The following MOB1A variants were observed in gnomAD, a reference collection of about 807,000 sequenced individuals.
The protein encoded by MOB1A is MOB1 Mps One Binder homolog A.
MOB1A carries 10 observed loss-of-function variants against 25.1 expected under a neutral mutation model. That is an observed-to-expected ratio of 0.40 (90% CI 0.25 to 0.68). MOB1A has a LOEUF of 0.68. Among genes scored for constraint, MOB1A ranks in the 30% least tolerant of loss-of-function variants. The pLI is 0.40. For missense variants in MOB1A, 177 were observed against 256.3 expected (o/e 0.69, Z 2.11); for synonymous variants, 81 against 79.5 (o/e 1.02, Z -0.10).
At chr2:74,157,094 T>C (rs1374665605) in intron 5 of MOB1A, among the ~76,000 whole-genome samples, 1 of 150,676 alleles carries the variant, frequency 6.6e-6, no homozygotes, top group African/African-American at 2.4e-5. Flanking sequence ...GAGGCTCCTA[T>C]AAAGCTTCAG....
chr2:74,171,289 AAAAAT>A, intron 2 of MOB1A, among the ~76,000 whole-genome samples: 1 of 151,856 alleles, frequency 6.6e-6, no homozygotes, highest in South Asian at 2.1e-4. Flanking sequence ...CTCCATCTCA[AAAAAT>A]AAAATAAAAA....
rs181030008 is a variant in MOB1A at position 74,153,600 on chromosome 2, A to G, written c.*2968T>C. 40 of 152,378 alleles carry G rather than the reference A, an allele frequency of 2.6e-4. No individual in the cohort carries two copies. Among genetic ancestry groups the G allele is most frequent in the Admixed American group, 2.2e-3 (34 of 15,302 alleles). The allele number at this position is 152,378 out of a possible 1,614,324, so 9.4% of individuals were successfully genotyped here. ...GAAAGACAAATTTGGCTGTCAATAC[A>G]AAAACTGTAGTACAAGGAAGTTCAA... On this transcript the variant is annotated 3_prime_UTR_variant, in exon 6 of 6. Coordinates refer to ENST00000396049, the MANE Select transcript of MOB1A (RefSeq NM_018221.5).
chr2:74,166,259 A>G (rs1339852933), intron 3 of MOB1A, among the ~76,000 whole-genome samples: 1 of 152,212 alleles, frequency 6.6e-6, no homozygotes, highest in East Asian at 1.9e-4. Context: ...TCTTCAAGCC[A>G]GATAATTACT....
Position 74,159,097 on chromosome 2 carries a change from A to G in MOB1A, c.567T>C (p.Phe189=), listed in dbSNP as rs1190510855. 6.2e-7 allele frequency: 1 copy of G among 1,613,610 alleles called. No individual in the cohort carries two copies. Among genetic ancestry groups the G allele is most frequent in the African/African-American group, 1.3e-5 (1 of 74,904 alleles). The change falls in exon 5 of 6, where the codon TTT becomes TTC. Residue 189 remains phenylalanine, a synonymous_variant. Coordinates refer to ENST00000396049, the MANE Select transcript of MOB1A (RefSeq NM_018221.5). ...LNTSFKHFIF[F]VQEFNLIDRR... The stretch of plus-strand genomic sequence containing the variant: ...TCAACATGGATCAACTTACCTGAAC[A>G]AAGAAAATAAAGTGCTTAAAGGAGG...
intron 4 of MOB1A, 36 bp downstream of exon 4, chr2:74,165,182 A>T (rs1371652308): frequency 5.5e-6 from 8 of 1,443,576 alleles, no homozygotes; most frequent in Admixed American, 2.7e-5. Flanking sequence ...ATAAAATTTT[A>T]AAAAAAGAAA....
intron 4 of MOB1A, 97 bp from the exon 5 acceptor site, chr2:74,159,351 G>A: frequency 1.8e-6 from 2 of 1,111,746 alleles, no homozygotes; most frequent in Non-Finnish European, 2.6e-6. Context: ...TCAGGCAGTG[G>A]TGCAATCTCA....
chr2:74,158,808 T>C (rs1692876789), intron 5 of MOB1A, among the ~76,000 whole-genome samples: 2 of 148,122 alleles, frequency 1.4e-5, no homozygotes, highest in South Asian at 4.2e-4. Context: ...GTTCCAATTC[T>C]GACTAAGGGT....
intron 4 of MOB1A, among the ~76,000 whole-genome samples, chr2:74,163,435 G>C (rs1693032490): frequency 6.6e-6 from 1 of 152,068 alleles, no homozygotes; most frequent in African/African-American, 2.4e-5. Flanking sequence ...CCTGGAGTTC[G>C]AGACCAGCCT....
chr2:74,172,682 A>C lies in MOB1A; in HGVS notation c.85T>G (p.Leu29Val). 1 of 1,613,966 alleles carries C rather than the reference A, an allele frequency of 6.2e-7. No homozygotes were observed. The highest frequency in any genetic ancestry group is 8.5e-7 in the Non-Finnish European group (1 of 1,179,868). ...IPEGSHQYEL[L>V]KHAEATLGSG... is the part of the protein sequence containing the mutation. ...CCTAGAGTTGCTTCTGCATGTTTTA[A>C]GAGTTCATACTGATGAGATCCTTCA... The change falls in exon 2 of 6, where the codon TTA (leucine) becomes GTA (valine). Residue 29 changes from leucine (L) to valine (V), a missense_variant. Transcript: ENST00000396049.
intron 1 of MOB1A, among the ~76,000 whole-genome samples, chr2:74,173,963 A>G (rs74372087): frequency 7.1e-6 from 1 of 141,310 alleles, no homozygotes; most frequent in Non-Finnish European, 1.5e-5. Context: ...AAAAAAAAAA[A>G]AAAAAAGAAA....
intron 2 of MOB1A, among the ~76,000 whole-genome samples, chr2:74,167,820 G>C (rs1693174461): frequency 1.3e-5 from 2 of 152,112 alleles, no homozygotes; most frequent in African/African-American, 2.4e-5. Context: ...CTAACAGAAA[G>C]GACAAAATTA....
rs947868045 is a variant in MOB1A at position 74,154,081 on chromosome 2, C to T, written c.*2487G>A. 4.0e-5 allele frequency: 6 copies of T among 151,718 alleles called. No homozygotes were observed. Among genetic ancestry groups the T allele is most frequent in the African/African-American group, 1.5e-4 (6 of 41,184 alleles). The allele number at this position is 151,718 out of a possible 1,614,324, so 9.4% of individuals were successfully genotyped here. A position where few individuals can be genotyped will look rare whatever the true frequency, so the allele number is the denominator to read the frequency against. On this transcript the variant is annotated 3_prime_UTR_variant, in exon 6 of 6. Transcript: ENST00000396049. ...TGGCGGGCACCTGTAGTTCCAGCTA[C>T]TCAGGAGAGGCTGGGGCAGGAGAAT...
rs1407613458 is a variant in MOB1A at position 74,178,836 on chromosome 2, C to T, written c.-162G>A. 3 of 418,608 alleles carry T rather than the reference C, an allele frequency of 7.2e-6. No homozygotes were observed. Among genetic ancestry groups the T allele is most frequent in the Non-Finnish European group, 8.1e-6 (2 of 246,260 alleles). 25.9% of individuals were successfully genotyped at this position (418,608 alleles called of 1,614,324 possible). On this transcript the variant is annotated 5_prime_UTR_variant, in exon 1 of 6. Coordinates refer to ENST00000396049, the MANE Select transcript of MOB1A (RefSeq NM_018221.5). ...GGCCGCTGCGAGCCTTTGCAAACCT[C>T]GGCGCCCGCCTTGCCCGCCTACCCC... is the stretch of plus-strand genomic sequence containing the variant.
intron 2 of MOB1A, among the ~76,000 whole-genome samples, chr2:74,171,366 A>C (rs1410033227): frequency 6.6e-6 from 1 of 152,192 alleles, no homozygotes; most frequent in Admixed American, 6.5e-5. Flanking sequence ...CACTGACCAG[A>C]TATTTGATAA....
rs1693321271 is a variant in MOB1A at position 74,172,503 on chromosome 2, C to G, written c.181+83G>C. 3.0e-6 allele frequency: 4 copies of G among 1,312,750 alleles called. No homozygotes were observed. The African/African-American group carries it at 4.4e-5, about 15-fold the overall frequency. The allele number at this position is 1,312,750 out of a possible 1,614,324, so 81.3% of individuals were successfully genotyped here. A position where few individuals can be genotyped will look rare whatever the true frequency, so the allele number is the denominator to read the frequency against. On this transcript the variant is annotated intron_variant, in intron 2 of 5. Transcript: ENST00000396049. The stretch of plus-strand genomic sequence containing the variant: ...GATAATTTGTTATATTAAAACAGTT[C>G]TAACTGTAAAAGAAAATTCATTAAC...
At chr2:74,170,442 TAA>T (rs1385633377) in intron 2 of MOB1A, among the ~76,000 whole-genome samples, 1 of 152,094 alleles carries the variant, frequency 6.6e-6, no homozygotes, top group African/African-American at 2.4e-5. Flanking sequence ...CGGCCCTGAA[TAA>T]AGTTTTTTAA....
rs191410895 is a variant in MOB1A, at chr2:74,156,260, A to G, written c.*308T>C. The stretch of plus-strand genomic sequence containing the variant: ...TTCTTGTAAAGAAATGACTGAGTAA[A>G]TGAGTAAAAGAATAATAAGTAAATT... On this transcript the variant is annotated 3_prime_UTR_variant, in exon 6 of 6. Coordinates refer to ENST00000396049, the MANE Select transcript of MOB1A (RefSeq NM_018221.5). 2.3e-4 allele frequency: 53 copies of G among 232,502 alleles called. No homozygotes were observed. The highest frequency in any genetic ancestry group is 5.0e-5 in the Non-Finnish European group (6 of 119,942). The allele number at this position is 232,502 out of a possible 1,614,324, so 14.4% of individuals were successfully genotyped here.
In MOB1A at chr2:74,178,859, C is replaced by G. The variant is rs546352275; in HGVS notation, c.-185G>C. 23 of 391,190 alleles carry G rather than the reference C, an allele frequency of 5.9e-5. No homozygotes were observed. The highest frequency in any genetic ancestry group is 4.5e-4 in the African/African-American group (22 of 48,358). 24.2% of individuals were successfully genotyped at this position (391,190 alleles called of 1,614,324 possible). A position where few individuals can be genotyped will look rare whatever the true frequency, so the allele number is the denominator to read the frequency against. ...CTCGGCGCCCGCCTTGCCCGCCTAC[C>G]CCACCTCGCAGACCCGAAATGCGGA... On this transcript the variant is annotated 5_prime_UTR_variant, in exon 1 of 6. Coordinates refer to ENST00000396049, the MANE Select transcript of MOB1A (RefSeq NM_018221.5).
At chr2:74,170,458 AG>A (rs1693257000) in intron 2 of MOB1A, among the ~76,000 whole-genome samples, 1 of 151,926 alleles carries the variant, frequency 6.6e-6, no homozygotes, top group African/African-American at 2.4e-5. Context: ...TTTTTAAAAA[AG>A]GTTTTTTTTT....
Sources: allele counts gnomAD v4.1 joint callset (sites outside exome capture counted in the v4.1 genomes callset), GRCh38; gene constraint gnomAD v4.1.1; transcripts MANE v1.5; gene names NCBI Gene and HGNC (gene_info 2026-07-23, HGNC 2026-07-21).